SEPTIN2: variants seen among roughly 807,000 people sequenced by gnomAD.
SEPTIN2 encodes septin 2, also known as septin-2.
Under a neutral mutation model 46.5 loss-of-function variants are expected in SEPTIN2, and 34 were observed. That is an observed-to-expected ratio of 0.73 (90% CI 0.56 to 0.97). The LOEUF (loss-of-function observed/expected upper bound fraction) is 0.97. Among genes scored for constraint, SEPTIN2 ranks in the 50% least tolerant of loss-of-function variants. The pLI is 0.00. For missense variants in SEPTIN2, 347 were observed against 448.4 expected (o/e 0.77, Z 2.04); for synonymous variants, 175 against 153.4 (o/e 1.14, Z -1.04).
intron 3 of SEPTIN2, among the ~76,000 whole-genome samples, chr2:241,329,118 T>C (rs2078535803): frequency 6.6e-6 from 1 of 152,026 alleles, no homozygotes; most frequent in Non-Finnish European, 1.5e-5. Flanking sequence ...TTGTTTTGTT[T>C]GTGTGTTTTG....
rs539267460 is a variant in SEPTIN2, at chr2:241,329,646, T to C, written c.130+3533T>C. Among the ~76,000 whole-genome samples the C allele has an allele frequency of 2.0e-5, 3 of 152,308 alleles. No homozygotes were observed. In the East Asian group the frequency reaches 5.8e-4, roughly 29 times the overall value. ...CTCGCCAGCAGTTTTGTCAAGAGGG[T>C]ACACCGAACAAAGAGGATCATTTGT... On this transcript the variant is annotated intron_variant, in intron 3 of 12. Transcript: ENST00000391971.
At chr2:241,329,603 T>A (rs1284638616) in intron 3 of SEPTIN2, among the ~76,000 whole-genome samples, 1 of 152,212 alleles carries the variant, frequency 6.6e-6, no homozygotes, top group East Asian at 1.9e-4. Flanking sequence ...CATTTTTACT[T>A]TCTACAGAAA....
chr2:241,324,156 C>T (rs376504342), intron 1 of SEPTIN2, 60 bp from the exon 2 acceptor site: 71 of 1,491,986 alleles, frequency 4.8e-5, no homozygotes, highest in East Asian at 2.0e-4. Flanking sequence ...AATATACGTG[C>T]GTATACATAC....
At chr2:241,347,992 G>A in intron 10 of SEPTIN2, 142 bp from the exon 11 acceptor site, 1 of 605,210 alleles carries the variant, frequency 1.7e-6, no homozygotes, top group Non-Finnish European at 2.9e-6. Flanking sequence ...TCCAGCCCGT[G>A]CGACAGAGTG....
At chr2:241,338,150 A>G (rs1012337085) in intron 7 of SEPTIN2, among the ~76,000 whole-genome samples, 1 of 152,144 alleles carries the variant, frequency 6.6e-6, no homozygotes, top group African/African-American at 2.4e-5. Flanking sequence ...CAAATGACCC[A>G]TACAAGGATG....
intron 7 of SEPTIN2, among the ~76,000 whole-genome samples, chr2:241,339,122 G>A (rs1428143545): frequency 6.8e-6 from 1 of 145,992 alleles, no homozygotes; most frequent in Non-Finnish European, 1.5e-5. Context: ...GGCCGAGTGT[G>A]GTGGCTCACG....
In SEPTIN2 at chr2:241,337,527, G is replaced by A; in HGVS notation, c.476+11G>A. 6.2e-7 allele frequency: 1 copy of A among 1,612,892 alleles called. No homozygotes were observed. Among genetic ancestry groups the A allele is most frequent in the Non-Finnish European group, 8.5e-7 (1 of 1,179,268 alleles). ...ACCTTTTGGACATGGGTAAGTAATT[G>A]TTTATCGTGGAGAAATGCTTTACTA... On this transcript the variant is annotated intron_variant, in intron 6 of 12. Transcript: ENST00000391971.
rs368377734 is a variant in SEPTIN2, at chr2:241,342,942, A to G, written c.595-50A>G. The G allele has an allele frequency of 1.3e-5, 12 of 945,030 alleles. No individual in the cohort carries two copies. The African/African-American group carries it at 1.3e-4, about 10-fold the overall frequency. The allele number at this position is 945,030 out of a possible 1,614,324, so 58.5% of individuals were successfully genotyped here. A position where few individuals can be genotyped will look rare whatever the true frequency, so the allele number is the denominator to read the frequency against. ...ACAAGATGAGCTAGAATTGGCTACAATAACATACGCAGTTTGCTAAAATTG... is the reference window on the plus strand; with the variant it reads ...ACAAGATGAGCTAGAATTGGCTACAGTAACATACGCAGTTTGCTAAAATTG... On this transcript the variant is annotated intron_variant, in intron 7 of 12. Transcript: ENST00000391971.
chr2:241,335,438 C>G, intron 4 of SEPTIN2: 1 of 1,224,346 alleles, frequency 8.2e-7, no homozygotes, highest in South Asian at 1.3e-5. Context: ...TTGAGTTTGT[C>G]TGTAAAATGT....
At position 241,337,478 on chromosome 2, in the gene SEPTIN2, G is replaced by A; in HGVS notation, c.438G>A (p.Val146=). Residue 146 remains valine (V), a synonymous_variant, in exon 6 of 13, where the codon GTG becomes GTA. Coordinates refer to ENST00000391971, the MANE Select transcript of SEPTIN2 (RefSeq NM_004404.5). ...LNRRHIIDNR[V]HCCFYFISPF... is the part of the protein sequence containing the mutation. ...GGCGGCACATCATTGATAATAGGGTGCATTGTTGCTTTTACTTTATTTCAC... is the reference window on the plus strand; with the variant it reads ...GGCGGCACATCATTGATAATAGGGTACATTGTTGCTTTTACTTTATTTCAC... 6.2e-7 allele frequency: 1 copy of A among 1,614,010 alleles called. No homozygotes were observed. Among genetic ancestry groups the A allele is most frequent in the Non-Finnish European group, 8.5e-7 (1 of 1,179,990 alleles).
At position 241,343,874 on chromosome 2, in the gene SEPTIN2, TC is replaced by T. The variant is rs1436592160; in HGVS notation, c.820del (p.Leu274Ter). The T allele has an allele frequency of 6.2e-7, 1 of 1,614,244 alleles. No homozygotes were observed. ...EVENPEHNDF[L>X]KLRTMLITHM... ...TGGAGAACCCAGAGCACAATGACTT[TC>T]TGAAGCTGAGAACCATGCTCATGTA... On this transcript the variant is annotated frameshift_variant, in exon 9 of 13. Coordinates refer to ENST00000391971, the MANE Select transcript of SEPTIN2 (RefSeq NM_004404.5). LOFTEE classifies it high-confidence loss of function.
intron 3 of SEPTIN2, among the ~76,000 whole-genome samples, chr2:241,330,938 G>T (rs1174799013): frequency 6.6e-6 from 1 of 152,214 alleles, no homozygotes; most frequent in Non-Finnish European, 1.5e-5. Flanking sequence ...GGGAGCCCGA[G>T]GCTGGCAGAT....
At chr2:241,342,557 T>C (rs1489676929) in intron 7 of SEPTIN2, among the ~76,000 whole-genome samples, 8 of 147,938 alleles carry the variant, frequency 5.4e-5, no homozygotes, top group African/African-American at 1.8e-4. Flanking sequence ...TTTTTTTTTT[T>C]TGAGACGGAG....
At chr2:241,320,535 G>A (rs758374800) in intron 1 of SEPTIN2, among the ~76,000 whole-genome samples, 1 of 152,048 alleles carries the variant, frequency 6.6e-6, no homozygotes, top group African/African-American at 2.4e-5. Context: ...GGCTCAGGCC[G>A]GTAATCCCAG....
intron 9 of SEPTIN2, 52 bp downstream of exon 9, chr2:241,343,949 A>G: frequency 6.2e-7 from 1 of 1,603,956 alleles, no homozygotes; most frequent in Non-Finnish European, 8.5e-7. Flanking sequence ...AAGAATATGG[A>G]TTTCAGACGG....
intron 1 of SEPTIN2, among the ~76,000 whole-genome samples, chr2:241,323,577 A>T (rs2077468331): frequency 6.6e-6 from 1 of 152,126 alleles, no homozygotes; most frequent in African/African-American, 2.4e-5. Context: ...AATCGAATTT[A>T]TTTTTGTAAT....
chr2:241,324,285 T>C (rs752017310), intron 2 of SEPTIN2, 44 bp downstream of exon 2: 11 of 1,552,292 alleles, frequency 7.1e-6, no homozygotes, highest in Non-Finnish European at 9.7e-6. Flanking sequence ...GAGAAATTGC[T>C]TTATGTTTTC....
At chr2:241,316,430 G>A in intron 1 of SEPTIN2, 1 of 1,284,168 alleles carries the variant, frequency 7.8e-7, no homozygotes, top group Non-Finnish European at 1.0e-6. Context: ...AGGCGTGGAG[G>A]ACTGGCCAGC....
intron 3 of SEPTIN2, among the ~76,000 whole-genome samples, chr2:241,334,923 A>G (rs1168170823): frequency 5.3e-5 from 8 of 152,188 alleles, no homozygotes; most frequent in African/African-American, 1.9e-4. Flanking sequence ...CCTGCTCTGG[A>G]TAGTACTCTG....
Sources: allele counts gnomAD v4.1 joint callset (sites outside exome capture counted in the v4.1 genomes callset), GRCh38; gene constraint gnomAD v4.1.1; transcripts MANE v1.5; gene names NCBI Gene and HGNC (gene_info 2026-07-23, HGNC 2026-07-21).